The following ARMC8 variants were observed in gnomAD, a reference collection of about 807,000 sequenced individuals.
ARMC8 encodes the protein armadillo repeat containing 8, also known as armadillo repeat-containing protein 8.
ARMC8 carries 20 observed loss-of-function variants against 99.3 expected under a neutral mutation model. That is an observed-to-expected ratio of 0.20 (90% CI 0.14 to 0.29). The LOEUF (loss-of-function observed/expected upper bound fraction) is 0.29, where lower values mean the gene tolerates loss of function less well. ARMC8 is among the 10% of genes least tolerant of loss of function. The pLI, the probability that ARMC8 is intolerant of heterozygous loss-of-function variation, is 1.00. For missense variants in ARMC8, 569 were observed against 809.5 expected (o/e 0.70, Z 3.60); for synonymous variants, 263 against 278.3 (o/e 0.95, Z 0.55).
chr3:138,209,711 C>T (rs1410103098), intron 1 of ARMC8, 106 bp from the exon 2 acceptor site: 3 of 889,342 alleles, frequency 3.4e-6, no homozygotes, highest in Non-Finnish European at 5.5e-6. Context: ...AATTTTAATG[C>T]ATCTACCTTA....
intron 2 of ARMC8, among the ~76,000 whole-genome samples, chr3:138,213,107 A>G (rs995613148): frequency 3.9e-5 from 6 of 152,240 alleles, no homozygotes; most frequent in African/African-American, 1.2e-4. Context: ...TATCTTGAAG[A>G]CAAATAAGAT....
intron 21 of ARMC8, among the ~76,000 whole-genome samples, chr3:138,293,176 C>T (rs1368357575): frequency 6.6e-6 from 1 of 152,184 alleles, no homozygotes; most frequent in Non-Finnish European, 1.5e-5. Context: ...GTAAATGGCT[C>T]TTCCAGATTG....
intron 1 of ARMC8, among the ~76,000 whole-genome samples, chr3:138,192,321 A>G (rs1576562601): frequency 1.6e-5 from 2 of 128,308 alleles, no homozygotes; most frequent in African/African-American, 6.2e-5. Context: ...TCTGTTGCCC[A>G]GGCAGGAGTG....
chr3:138,196,546 T>G (rs2107968524), intron 1 of ARMC8, among the ~76,000 whole-genome samples: 1 of 152,260 alleles, frequency 6.6e-6, no homozygotes, highest in Non-Finnish European at 1.5e-5. Flanking sequence ...CAGAATTAAC[T>G]TCTTCACCTG....
intron 19 of ARMC8, chr3:138,287,824 T>C: frequency 2.9e-6 from 1 of 347,466 alleles, no homozygotes; most frequent in South Asian, 2.3e-5. Flanking sequence ...ATTGATACTC[T>C]CTCAGATGTG....
intron 18 of ARMC8, among the ~76,000 whole-genome samples, chr3:138,281,561 G>T (rs1472098909): frequency 6.6e-6 from 1 of 152,104 alleles, no homozygotes; most frequent in African/African-American, 2.4e-5. Flanking sequence ...AGAGTGCTGG[G>T]GTTACAGGTG....
chr3:138,203,202 G>A (rs1202254084), intron 1 of ARMC8, among the ~76,000 whole-genome samples: 1 of 152,224 alleles, frequency 6.6e-6, no homozygotes, highest in African/African-American at 2.4e-5. Context: ...TTCTGTGACA[G>A]TTATTAATGA....
chr3:138,257,259 G>A (rs549421768), intron 12 of ARMC8, among the ~76,000 whole-genome samples: 3 of 152,214 alleles, frequency 2.0e-5, no homozygotes, highest in South Asian at 2.1e-4. Flanking sequence ...TTGGATTTGG[G>A]TTTTTTGGTC....
intron 16 of ARMC8, among the ~76,000 whole-genome samples, chr3:138,271,121 T>G (rs539257610): frequency 6.6e-6 from 1 of 152,332 alleles, no homozygotes; most frequent in East Asian, 1.9e-4. Context: ...CTGCTGTGTT[T>G]TTATACAGAC....
intron 5 of ARMC8, among the ~76,000 whole-genome samples, chr3:138,227,826 A>G (rs1457519954): frequency 2.6e-5 from 4 of 152,222 alleles, no homozygotes; most frequent in Non-Finnish European, 5.9e-5. Flanking sequence ...CATTAAGTAC[A>G]TCTCCTGGGA....
At chr3:138,289,295 T>C (rs1172578718) in intron 20 of ARMC8, among the ~76,000 whole-genome samples, 175 bp downstream of exon 20, 1 of 152,176 alleles carries the variant, frequency 6.6e-6, no homozygotes, top group Non-Finnish European at 1.5e-5. Context: ...CCAAGTCAGC[T>C]GGTCAGTCAA....
At chr3:138,264,855 C>T (rs1396889472) in intron 14 of ARMC8, among the ~76,000 whole-genome samples, 3 of 150,070 alleles carry the variant, frequency 2.0e-5, no homozygotes, top group African/African-American at 7.3e-5. Context: ...CTGCCATTTA[C>T]AGAGATAATG....
Position 138,296,901 on chromosome 3 carries a change from C to T in ARMC8, c.*1009C>T, listed in dbSNP as rs2051538167. 6.6e-6 allele frequency: 1 copy of T among 152,184 alleles called. No homozygotes were observed. 9.4% of individuals were successfully genotyped at this position (152,184 alleles called of 1,614,324 possible). ...AGCAATATCTGGCCAGATTTAGAAC[C>T]AGTCATGGAAACTTGTGCTCAAACT... On this transcript the variant is annotated 3_prime_UTR_variant, in exon 22 of 22. Coordinates refer to ENST00000469044, the MANE Select transcript of ARMC8 (RefSeq NM_001363941.2).
chr3:138,269,820 CTTTTTTTTTTT>C (rs77095833), intron 15 of ARMC8, among the ~76,000 whole-genome samples: 2 of 121,670 alleles, frequency 1.6e-5, no homozygotes, highest in East Asian at 4.9e-4. Context: ...TGTTTTCTTT[CTTTTTTTTTTT>C]TTTTTTTGGC....
intron 18 of ARMC8, among the ~76,000 whole-genome samples, chr3:138,277,656 A>C (rs552273442): frequency 1.3e-5 from 2 of 152,370 alleles, no homozygotes; most frequent in African/African-American, 2.4e-5. Context: ...AAAACAGTAC[A>C]GTTGCTAGCA....
At chr3:138,229,539 T>A (rs1039442588) in intron 6 of ARMC8, among the ~76,000 whole-genome samples, 2 of 152,116 alleles carry the variant, frequency 1.3e-5, no homozygotes, top group Non-Finnish European at 2.9e-5. Flanking sequence ...ACCACATTTT[T>A]AAATAAAGAT....
intron 11 of ARMC8, among the ~76,000 whole-genome samples, chr3:138,243,046 T>A (rs1346515241): frequency 6.6e-6 from 1 of 152,186 alleles, no homozygotes; most frequent in Non-Finnish European, 1.5e-5. Flanking sequence ...TTTTTCACAC[T>A]GACACTGTAT....
chr3:138,188,484 C>T (rs369841714), intron 1 of ARMC8: 4 of 1,613,340 alleles, frequency 2.5e-6, no homozygotes, highest in Non-Finnish European at 2.5e-6. Flanking sequence ...TGGGAGATAA[C>T]TTCGAAGGAT....
chr3:138,206,920 G>A (rs2044402213), intron 1 of ARMC8, among the ~76,000 whole-genome samples: 1 of 152,194 alleles, frequency 6.6e-6, no homozygotes, highest in South Asian at 2.1e-4. Context: ...GCAAGGCTCT[G>A]CCTTAATGTC....
Sources: gnomAD v4.1 joint callset for allele counts (sites outside exome capture counted in the v4.1 genomes callset) on GRCh38, gnomAD v4.1.1 for gene constraint, MANE v1.5 for transcripts, NCBI Gene and HGNC (gene_info 2026-07-23, HGNC 2026-07-21) for gene names.